Variants in GRID1 observed in about 807,000 individuals in gnomAD.
The protein encoded by GRID1 is glutamate ionotropic receptor delta type subunit 1.
In GRID1, 28 loss-of-function variants were observed where a neutral mutation model predicts 98.0. The observed-to-expected ratio is 0.29, with a 90% confidence interval of 0.21 to 0.39. The LOEUF (loss-of-function observed/expected upper bound fraction) is 0.39. Among genes scored for constraint, GRID1 ranks in the 10% least tolerant of loss-of-function variants. The pLI is 1.00. For missense variants in GRID1, 1,111 were observed against 1,340.5 expected (o/e 0.83, Z 2.67); for synonymous variants, 553 against 538.5 (o/e 1.03, Z -0.37).
At position 86,096,444 on chromosome 10, in the gene GRID1, T is replaced by A. The variant is rs559375754; in HGVS notation, c.726+42375A>T. On this transcript the variant is annotated intron_variant, in intron 4 of 15. Coordinates refer to ENST00000327946, the MANE Select transcript of GRID1 (RefSeq NM_017551.3). ...ATCTCCATTAAAGGCACAATCTTGC[T>A]CAACCAGTTAATTATACTGGACCAC... Among the ~76,000 whole-genome samples, 25 of 152,308 alleles carry A rather than the reference T, an allele frequency of 1.6e-4. No homozygotes were observed. In the South Asian group the frequency reaches 5.2e-3, roughly 32 times the overall value.
At chr10:85,934,864 T>A (rs892646900) in intron 4 of GRID1, among the ~76,000 whole-genome samples, 2 of 152,082 alleles carry the variant, frequency 1.3e-5, no homozygotes, top group Admixed American at 1.3e-4. Context: ...TAAGCACTGA[T>A]CCCCACCCAC....
intron 3 of GRID1, among the ~76,000 whole-genome samples, chr10:86,177,164 A>G (rs901434865): frequency 6.6e-6 from 1 of 151,776 alleles, no homozygotes; most frequent in Non-Finnish European, 1.5e-5. Context: ...AAGCACTTCC[A>G]AACAGCAAGA....
intron 4 of GRID1, among the ~76,000 whole-genome samples, chr10:86,042,710 A>G (rs1026818311): frequency 6.6e-6 from 1 of 152,198 alleles, no homozygotes; most frequent in African/African-American, 2.4e-5. Flanking sequence ...CTGTACTCAG[A>G]GCATCTTCAT....
intron 6 of GRID1, among the ~76,000 whole-genome samples, chr10:85,862,297 A>G (rs1160453259): frequency 1.3e-5 from 2 of 152,220 alleles, no homozygotes; most frequent in Non-Finnish European, 2.9e-5. Flanking sequence ...AATTACTGAA[A>G]GTTGAATAAC....
chr10:85,947,622 CAAG>C (rs1842069611), intron 4 of GRID1, among the ~76,000 whole-genome samples: 4 of 152,056 alleles, frequency 2.6e-5, no homozygotes, highest in Non-Finnish European at 5.9e-5. Flanking sequence ...GAAAGGCACA[CAAG>C]AAGCAGCACC....
intron 2 of GRID1, among the ~76,000 whole-genome samples, chr10:86,262,922 C>G (rs1847039827): frequency 6.6e-6 from 1 of 152,136 alleles, no homozygotes; most frequent in African/African-American, 2.4e-5. Flanking sequence ...GTTCCCAGGC[C>G]GGCATCGCCC....
intron 2 of GRID1, among the ~76,000 whole-genome samples, chr10:86,220,403 C>T (rs958030763): frequency 3.9e-5 from 6 of 152,150 alleles, no homozygotes; most frequent in African/African-American, 7.2e-5. Flanking sequence ...CCTGAAAACG[C>T]GGTTATGATA....
intron 8 of GRID1, among the ~76,000 whole-genome samples, chr10:85,793,404 T>C (rs1842498502): frequency 6.6e-6 from 1 of 152,202 alleles, no homozygotes; most frequent in Non-Finnish European, 1.5e-5. Context: ...CCAGCTCCTC[T>C]TACATGCATT....
rs1261960957 is a variant in GRID1 at position 85,750,354 on chromosome 10, GGCTGA to G, written c.1234-20745_1234-20741del. Among the ~76,000 whole-genome samples, 3 of 152,242 alleles carry G rather than the reference GGCTGA, an allele frequency of 2.0e-5. No individual in the cohort carries two copies. In the South Asian group the frequency reaches 6.2e-4, roughly 32 times the overall value. On this transcript the variant is annotated intron_variant, in intron 8 of 15. Coordinates refer to ENST00000327946, the MANE Select transcript of GRID1 (RefSeq NM_017551.3). ...GGTCACCTGATCATCAGCTGTGATT[GGCTGA>G]AAGATATGATTACTCCTATTTTAAG...
At chr10:86,363,276 G>A (rs1026108093) in intron 2 of GRID1, among the ~76,000 whole-genome samples, 45 of 152,360 alleles carry the variant, frequency 3.0e-4, no homozygotes, top group African/African-American at 1.1e-3. Flanking sequence ...CCCGCAGCCG[G>A]ACCGGCCCAG....
At chr10:86,163,854 G>A (rs1845358294) in intron 3 of GRID1, among the ~76,000 whole-genome samples, 1 of 152,226 alleles carries the variant, frequency 6.6e-6, no homozygotes, top group African/African-American at 2.4e-5. Context: ...CTGAGAGGAT[G>A]AAGAACAGAG....
At chr10:86,009,174 A>AC (rs1163652609) in intron 4 of GRID1, among the ~76,000 whole-genome samples, 3 of 152,192 alleles carry the variant, frequency 2.0e-5, no homozygotes, top group Non-Finnish European at 2.9e-5. Context: ...TTGAAAGGAC[A>AC]CCCATTTCCC....
rs761390331 is a variant in GRID1, at chr10:85,978,286, C to T, written c.727-62047G>A. Among the ~76,000 whole-genome samples, 8 of 152,092 alleles carry T rather than the reference C, an allele frequency of 5.3e-5. No homozygotes were observed. In the East Asian group the frequency reaches 1.4e-3, roughly 26 times the overall value. On this transcript the variant is annotated intron_variant, in intron 4 of 15. Coordinates refer to ENST00000327946, the MANE Select transcript of GRID1 (RefSeq NM_017551.3). Reference sequence around the variant, plus strand: ...CTGACTATCTACCAGGCCAAAGGACCTAAAGCAGCCAGATGATATGTTGCC... The same window carrying T: ...CTGACTATCTACCAGGCCAAAGGACTTAAAGCAGCCAGATGATATGTTGCC...
At chr10:85,968,532 C>T (rs1016984152) in intron 4 of GRID1, among the ~76,000 whole-genome samples, 1 of 149,920 alleles carries the variant, frequency 6.7e-6, no homozygotes, top group African/African-American at 2.5e-5. Flanking sequence ...TATAAATATG[C>T]AATTTCGACA....
intron 4 of GRID1, among the ~76,000 whole-genome samples, chr10:86,018,633 T>C (rs1002154777): frequency 6.6e-6 from 1 of 152,182 alleles, no homozygotes; most frequent in African/African-American, 2.4e-5. Context: ...CCAAACCTCC[T>C]GTGAGTGCCT....
intron 13 of GRID1, among the ~76,000 whole-genome samples, chr10:85,641,522 G>A (rs755107699): frequency 4.6e-5 from 7 of 152,112 alleles, no homozygotes; most frequent in Non-Finnish European, 7.4e-5. Context: ...TAGAAAAGAC[G>A]AGATTACCAC....
intron 11 of GRID1, among the ~76,000 whole-genome samples, chr10:85,724,117 T>G (rs950780181): frequency 6.6e-6 from 1 of 152,140 alleles, no homozygotes; most frequent in African/African-American, 2.4e-5. Context: ...CAAAGTTAAT[T>G]TTATCTAAAG....
At chr10:85,632,012 C>CAG (rs1842981020) in intron 13 of GRID1, among the ~76,000 whole-genome samples, 1 of 149,292 alleles carries the variant, frequency 6.7e-6, no homozygotes, top group African/African-American at 2.5e-5. Flanking sequence ...CACACACACA[C>CAG]ACAAGAATGT....
chr10:86,361,683 T>C (rs971861855), intron 2 of GRID1, among the ~76,000 whole-genome samples: 1 of 152,224 alleles, frequency 6.6e-6, no homozygotes, highest in African/African-American at 2.4e-5. Context: ...TACTGTGTTG[T>C]TTACATTATT....
Sources: gnomAD v4.1 joint callset for allele counts (sites outside exome capture counted in the v4.1 genomes callset) on GRCh38, gnomAD v4.1.1 for gene constraint, MANE v1.5 for transcripts, NCBI Gene and HGNC (gene_info 2026-07-23, HGNC 2026-07-21) for gene names.